NCAM1: variants seen among roughly 807,000 people sequenced by gnomAD.
NCAM1 encodes the protein neural cell adhesion molecule 1.
A neutral mutation model predicts 109.8 loss-of-function variants in NCAM1; 14 were observed. That is an observed-to-expected ratio of 0.13 (90% CI 0.08 to 0.20). The LOEUF (loss-of-function observed/expected upper bound fraction) is 0.20, where lower values mean the gene tolerates loss of function less well. Among genes scored for constraint, NCAM1 ranks in the 10% least tolerant of loss-of-function variants. NCAM1 has a pLI of 1.00. For missense variants in NCAM1, 774 were observed against 1,109.9 expected (o/e 0.70, Z 4.30); for synonymous variants, 418 against 442.9 (o/e 0.94, Z 0.70).
At chr11:113,235,561 G>A (rs1945140835) in intron 14 of NCAM1, among the ~76,000 whole-genome samples, 2 of 152,234 alleles carry the variant, frequency 1.3e-5, no homozygotes, top group Admixed American at 1.3e-4. Flanking sequence ...TAAAGATGGT[G>A]ACAGTTCACA....
At chr11:113,018,659 T>C (rs1315803043) in intron 1 of NCAM1, among the ~76,000 whole-genome samples, 2 of 152,202 alleles carry the variant, frequency 1.3e-5, no homozygotes, top group Non-Finnish European at 2.9e-5. Context: ...TTTGGCTCTA[T>C]TATTGATTGA....
At chr11:113,009,601 G>T (rs1257155663) in intron 1 of NCAM1, among the ~76,000 whole-genome samples, 1 of 152,058 alleles carries the variant, frequency 6.6e-6, no homozygotes, top group Non-Finnish European at 1.5e-5. Flanking sequence ...ATCCAGTGAG[G>T]ATAGGAGTCT....
At chr11:113,257,466 C>T (rs1252476123) in intron 16 of NCAM1, among the ~76,000 whole-genome samples, 2 of 152,202 alleles carry the variant, frequency 1.3e-5, no homozygotes, top group Non-Finnish European at 2.9e-5. Flanking sequence ...ACCTGAAATG[C>T]ACCTGACACT....
Position 113,091,209 on chromosome 11 carries a change from G to A in NCAM1, c.53-111170G>A, listed in dbSNP as rs183784225. Among the ~76,000 whole-genome samples, 17 of 152,006 alleles carry A rather than the reference G, an allele frequency of 1.1e-4. No homozygotes were observed. The South Asian group carries it at 1.9e-3, about 17-fold the overall frequency. ...GCTTCTCAAAAAGGTTAAGTAACTT[G>A]CCCTAGATCAAGCATCTGGTAAGAG... On this transcript the variant is annotated intron_variant, in intron 1 of 19. Coordinates refer to ENST00000316851, the MANE Select transcript of NCAM1 (RefSeq NM_181351.5).
chr11:113,002,205 C>T (rs1768501132), intron 1 of NCAM1, among the ~76,000 whole-genome samples: 1 of 152,276 alleles, frequency 6.6e-6, no homozygotes, highest in Non-Finnish European at 1.5e-5. Flanking sequence ...CTCAGAGATA[C>T]TGGCAAAGGA....
At chr11:113,030,064 A>T (rs1177311846) in intron 1 of NCAM1, among the ~76,000 whole-genome samples, 10 of 47,400 alleles carry the variant, frequency 2.1e-4, no homozygotes, top group African/African-American at 5.3e-4. Context: ...TTTATTTGAT[A>T]AAAAAAAGGG....
intron 1 of NCAM1, among the ~76,000 whole-genome samples, chr11:113,010,993 G>A (rs1952034572): frequency 6.6e-6 from 1 of 151,644 alleles, no homozygotes; most frequent in South Asian, 2.1e-4. Flanking sequence ...TTAAGTTTTA[G>A]GGTACATGTG....
intron 17 of NCAM1, chr11:113,263,341 T>A (rs782057679): frequency 9.2e-5 from 92 of 1,001,274 alleles, no homozygotes; most frequent in Non-Finnish European, 1.1e-4. Flanking sequence ...CACCACACAT[T>A]CCCCTCATTC....
chr11:113,265,486 A>G (rs1470231782), intron 17 of NCAM1, among the ~76,000 whole-genome samples: 1 of 152,214 alleles, frequency 6.6e-6, no homozygotes, highest in African/African-American at 2.4e-5. Flanking sequence ...CTCTGAGCCA[A>G]CAGATGCACA....
chr11:113,186,264 C>A (rs1036684339), intron 1 of NCAM1, among the ~76,000 whole-genome samples: 15 of 152,158 alleles, frequency 9.9e-5, no homozygotes, highest in Non-Finnish European at 1.9e-4. Context: ...GTCAGTTCAG[C>A]AGCAGCATTA....
At position 113,277,903 on chromosome 11, in the gene NCAM1, G is replaced by GGAGT. The variant is rs1204780071; in HGVS notation, c.*2517_*2520dup. 24 of 140,366 alleles carry GGAGT rather than the reference G, an allele frequency of 1.7e-4. No individual in the cohort carries two copies. Among genetic ancestry groups the GGAGT allele is most frequent in the African/African-American group, 5.8e-4 (21 of 36,226 alleles). The allele number at this position is 140,366 out of a possible 1,614,324, so 8.7% of individuals were successfully genotyped here. On this transcript the variant is annotated 3_prime_UTR_variant, in exon 20 of 20. Coordinates refer to ENST00000316851, the MANE Select transcript of NCAM1 (RefSeq NM_181351.5). Reference sequence around the variant, plus strand: ...CAATGCTTTCTCTAAAATCAAAGAGGGAGTCATTTTATTCCAAGATGTTTT... The same window carrying GGAGT: ...CAATGCTTTCTCTAAAATCAAAGAGGGAGTGAGTCATTTTATTCCAAGATGTTTT...
At chr11:112,965,984 A>G (rs1390025690) in intron 1 of NCAM1, among the ~76,000 whole-genome samples, 1 of 152,208 alleles carries the variant, frequency 6.6e-6, no homozygotes, top group East Asian at 1.9e-4. Context: ...AGACAAAGAC[A>G]TCTTATAAAG....
At chr11:113,047,578 C>T (rs1555081071) in intron 1 of NCAM1, among the ~76,000 whole-genome samples, 1 of 152,152 alleles carries the variant, frequency 6.6e-6, no homozygotes, top group African/African-American at 2.4e-5. Context: ...AAGTCAACAT[C>T]ATGTCTTCTT....
intron 7 of NCAM1, among the ~76,000 whole-genome samples, chr11:113,208,594 A>G (rs1555113270): frequency 1.1e-4 from 16 of 151,816 alleles, no homozygotes. Context: ...TCACCTTCTC[A>G]GCGGCGCCTT....
chr11:113,159,110 A>C (rs1190046716), intron 1 of NCAM1, among the ~76,000 whole-genome samples: 1 of 152,212 alleles, frequency 6.6e-6, no homozygotes, highest in East Asian at 1.9e-4. Context: ...TCTAAATTAC[A>C]TACTGATGCC....
chr11:113,215,046 A>T (rs1191521198), intron 8 of NCAM1, among the ~76,000 whole-genome samples: 3 of 152,350 alleles, frequency 2.0e-5, no homozygotes, highest in African/African-American at 7.2e-5. Context: ...AAAGGCAAAA[A>T]TATTTAGCAG....
chr11:113,007,794 AT>A (rs1951927192), intron 1 of NCAM1, among the ~76,000 whole-genome samples: 1 of 152,212 alleles, frequency 6.6e-6, no homozygotes, highest in Admixed American at 6.5e-5. Context: ...AGGCTTAGAG[AT>A]GGTATGACAT....
At position 113,233,404 on chromosome 11, in the gene NCAM1, A is replaced by C. The variant is rs1169163349; in HGVS notation, c.1693+87A>C. 13 of 1,402,680 alleles carry C rather than the reference A, an allele frequency of 9.3e-6. No homozygotes were observed. Among genetic ancestry groups the C allele is most frequent in the Non-Finnish European group, 1.2e-5 (12 of 1,029,516 alleles). The allele number at this position is 1,402,680 out of a possible 1,614,324, so 86.9% of individuals were successfully genotyped here. A position where few individuals can be genotyped will look rare whatever the true frequency, so the allele number is the denominator to read the frequency against. On this transcript the variant is annotated intron_variant, in intron 13 of 19. Coordinates refer to ENST00000316851, the MANE Select transcript of NCAM1 (RefSeq NM_181351.5). The surrounding 1 kb of genome is among the most constrained non-coding windows in gnomAD (Gnocchi z 4.5). ...CACCTGCCATCCTGGGCATGTTCCT[A>C]CAGAATCAGGAACTGCACCTCCAGA...
At chr11:113,238,750 A>G (rs1481561482) in intron 14 of NCAM1, among the ~76,000 whole-genome samples, 2 of 152,190 alleles carry the variant, frequency 1.3e-5, no homozygotes, top group Non-Finnish European at 2.9e-5. Flanking sequence ...GGCACCACTG[A>G]CACTGCACCC....
Sources: allele counts gnomAD v4.1 joint callset (sites outside exome capture counted in the v4.1 genomes callset), GRCh38; gene constraint gnomAD v4.1.1; non-coding constraint Gnocchi (gnomAD v3.1); transcripts MANE v1.5; gene names NCBI Gene and HGNC (gene_info 2026-07-23, HGNC 2026-07-21).